Variants in RFX3 observed in about 807,000 individuals in gnomAD.
RFX3 encodes the protein regulatory factor X3, also known as transcription factor RFX3.
A neutral mutation model predicts 98.6 loss-of-function variants in RFX3; 14 were observed. That is an observed-to-expected ratio of 0.14 (90% confidence interval 0.09 to 0.22). The LOEUF (loss-of-function observed/expected upper bound fraction) is 0.22, where lower values mean the gene tolerates loss of function less well. Ranked by LOEUF, RFX3 falls within the 10% of genes least tolerant of loss-of-function variation. The probability of loss-of-function intolerance (pLI) is 1.00; values close to 1 mark genes in which losing one functional copy is unlikely to be tolerated. For synonymous variants in RFX3, 383 were observed against 328.4 expected, an observed-to-expected ratio of 1.17 and a Z score of -1.80; for missense variants, 639 against 926.9, an observed-to-expected ratio of 0.69 and a Z score of 4.03.
chr9:3,225,075 G>C lies in RFX3; in HGVS notation c.2217C>G (p.Cys739Trp). 6.2e-7 allele frequency: 1 copy of C among 1,613,952 alleles called. No individual in the cohort carries two copies. Among genetic ancestry groups the C allele is most frequent in the Non-Finnish European group, 8.5e-7 (1 of 1,179,914 alleles). The change falls in exon 17 of 17, where the codon TGC becomes TGG. Residue 739 changes from cysteine (C) to tryptophan (W), a missense_variant. This residue lies in a region of RFX3 where 129 missense variants were observed against 124.6 expected (regional missense o/e 1.04). Transcript: ENST00000617270. Reference protein sequence around the residue: ...IVTSTQTIRQCSATGNTYTAV With the variant: ...IVTSTQTIRQWSATGNTYTAV ...CAGTGTAGGTATTTCCTGTAGCGCT[G>C]CACTGTCTGATAGTCTGAGTACTTG... is the stretch of plus-strand genomic sequence containing the variant.
At chr9:3,507,526 G>A (rs1195602081) in intron 1 of RFX3, among the ~76,000 whole-genome samples, 8 of 151,838 alleles carry the variant, frequency 5.3e-5, no homozygotes, top group South Asian at 4.2e-4. Context: ...GGCAGAGCTC[G>A]AATTCACACC....
chr9:3,404,297 A>ACC (rs1456073805), intron 1 of RFX3, among the ~76,000 whole-genome samples: 3 of 152,186 alleles, frequency 2.0e-5, no homozygotes, highest in African/African-American at 7.2e-5. Flanking sequence ...ATGTATATGT[A>ACC]TATACACTTG....
At chr9:3,478,273 C>G (rs1849442369) in intron 1 of RFX3, among the ~76,000 whole-genome samples, 1 of 152,002 alleles carries the variant, frequency 6.6e-6, no homozygotes, top group African/African-American at 2.4e-5. Context: ...TATCAGATTG[C>G]TCCACATTAT....
chr9:3,273,819 C>A (rs1192987730), intron 9 of RFX3, among the ~76,000 whole-genome samples: 3 of 148,966 alleles, frequency 2.0e-5, no homozygotes, highest in Non-Finnish European at 4.4e-5. Flanking sequence ...GAGCCGAGAT[C>A]GCACTACTGC....
rs574258146 is a variant in RFX3 at position 3,319,219 on chromosome 9, C to T, written c.474+11040G>A. Among the ~76,000 whole-genome samples the T allele has an allele frequency of 2.6e-5, 4 of 152,234 alleles. No homozygotes were observed. In the South Asian group the frequency reaches 8.3e-4, roughly 32 times the overall value. On this transcript the variant is annotated intron_variant, in intron 4 of 16. Transcript: ENST00000617270. The stretch of plus-strand genomic sequence containing the variant: ...CAGCATTTTCAGTATCCCCTGGGCA[C>T]TTGTTGGAAATGCAAGGGGCCCTTG...
At chr9:3,514,717 G>A (rs1817985537) in intron 1 of RFX3, among the ~76,000 whole-genome samples, 1 of 152,162 alleles carries the variant, frequency 6.6e-6, no homozygotes, top group Admixed American at 6.5e-5. Context: ...CCAATGTGCT[G>A]GGATTACAAG....
At chr9:3,234,530 A>G (rs1382183621) in intron 15 of RFX3, among the ~76,000 whole-genome samples, 1 of 152,158 alleles carries the variant, frequency 6.6e-6, no homozygotes, top group African/African-American at 2.4e-5. Context: ...AGTCCCAGCT[A>G]GTCGGGAGGC....
intron 1 of RFX3, among the ~76,000 whole-genome samples, chr9:3,401,160 C>A (rs919376471): frequency 6.6e-6 from 1 of 152,160 alleles, no homozygotes; most frequent in Non-Finnish European, 1.5e-5. Context: ...TAAAACCCAA[C>A]TAATACGTAT....
intron 2 of RFX3, among the ~76,000 whole-genome samples, chr9:3,352,428 C>G (rs763099148): frequency 6.6e-6 from 1 of 151,758 alleles, no homozygotes; most frequent in Non-Finnish European, 1.5e-5. Flanking sequence ...TTATATTGCT[C>G]TTAGATTTTT....
chr9:3,226,146 T>C lies in RFX3; in HGVS notation c.2012-866A>G, dbSNP rs1817739307. On this transcript the variant is annotated intron_variant, in intron 16 of 16. Transcript: ENST00000617270. ...AGAGTCTCCTCAGAATACCTCTTCA[T>C]GAGGGATAATTACAGTGGCTTGTAT... Among the ~76,000 whole-genome samples, 3 of 152,144 alleles carry C rather than the reference T, an allele frequency of 2.0e-5. No homozygotes were observed. In the South Asian group the frequency reaches 6.2e-4, roughly 32 times the overall value.
intron 16 of RFX3, among the ~76,000 whole-genome samples, chr9:3,227,865 A>T (rs1018349230): frequency 6.6e-6 from 1 of 152,170 alleles, no homozygotes; most frequent in African/African-American, 2.4e-5. Flanking sequence ...TAGTGTACTG[A>T]GTACCTTAAT....
chr9:3,331,570 T>G (rs1354454674), intron 3 of RFX3, among the ~76,000 whole-genome samples: 1 of 151,980 alleles, frequency 6.6e-6, no homozygotes, highest in Non-Finnish European at 1.5e-5. Flanking sequence ...AGATCTGTCT[T>G]ATATATATCT....
At chr9:3,487,646 G>C (rs770614461) in intron 1 of RFX3, among the ~76,000 whole-genome samples, 5 of 152,042 alleles carry the variant, frequency 3.3e-5, no homozygotes, top group Non-Finnish European at 5.9e-5. Flanking sequence ...CTTCCACCTA[G>C]AAAAGCAATA....
chr9:3,414,601 G>A (rs753922939), intron 1 of RFX3, among the ~76,000 whole-genome samples: 1 of 146,776 alleles, frequency 6.8e-6, no homozygotes, highest in Non-Finnish European at 1.5e-5. Context: ...ATATATATAT[G>A]CTAGTAGTAT....
At chr9:3,506,194 G>T (rs1455233557) in intron 1 of RFX3, among the ~76,000 whole-genome samples, 1 of 150,274 alleles carries the variant, frequency 6.7e-6, no homozygotes, top group Non-Finnish European at 1.5e-5. Flanking sequence ...ATAGATTTAT[G>T]AAGGACAACT....
At chr9:3,262,019 T>G (rs1350183125) in intron 13 of RFX3, among the ~76,000 whole-genome samples, 1 of 152,194 alleles carries the variant, frequency 6.6e-6, no homozygotes. Flanking sequence ...GTTGTAATGG[T>G]TCTTTATATA....
intron 2 of RFX3, among the ~76,000 whole-genome samples, chr9:3,388,452 T>C (rs544271062): frequency 6.6e-6 from 1 of 152,242 alleles, no homozygotes; most frequent in African/African-American, 2.4e-5. Context: ...GGATATACCA[T>C]ATTTTATGTG....
chr9:3,525,514 G>A (rs1160863993), intron 1 of RFX3, among the ~76,000 whole-genome samples: 2 of 151,848 alleles, frequency 1.3e-5, no homozygotes, highest in Non-Finnish European at 2.9e-5. Flanking sequence ...GGGCCGGCGG[G>A]CGGCGCGGCG....
At chr9:3,399,157 G>A (rs74501597) in intron 1 of RFX3, among the ~76,000 whole-genome samples, 15 of 151,684 alleles carry the variant, frequency 9.9e-5, no homozygotes, top group Non-Finnish European at 1.5e-4. Context: ...TTTCCAGGCC[G>A]GGCACAGTGG....
Sources: gnomAD v4.1 joint callset for allele counts (sites outside exome capture counted in the v4.1 genomes callset) on GRCh38, gnomAD v4.1.1 for gene constraint, gnomAD v4.1.1 regional missense constraint, MANE v1.5 for transcripts, NCBI Gene and HGNC (gene_info 2026-07-23, HGNC 2026-07-21) for gene names.